IFIH1: variants seen among roughly 807,000 people sequenced by gnomAD.
The protein encoded by IFIH1 is interferon induced with helicase C domain 1, also known as interferon-induced helicase C domain-containing protein 1.
A neutral mutation model predicts 107.4 loss-of-function variants in IFIH1; 125 were observed. That is an observed-to-expected ratio of 1.16 (90% CI 1.01 to 1.35). The LOEUF is 1.35. Ranked by LOEUF, IFIH1 falls within the 40% of genes most tolerant of loss-of-function variation. The pLI, the probability that IFIH1 is intolerant of heterozygous loss-of-function variation, is 0.00. For missense variants in IFIH1, 1,333 were observed against 1,213.7 expected, an observed-to-expected ratio of 1.10 and a Z score of -1.46; for synonymous variants, 458 against 413.2, an observed-to-expected ratio of 1.11 and a Z score of -1.31.
chr2:162,282,711 C>A (rs1207770409), intron 5 of IFIH1, 135 bp from the exon 6 acceptor site: 1 of 608,526 alleles, frequency 1.6e-6, no homozygotes, highest in East Asian at 2.8e-5. Context: ...AACAACGTTC[C>A]CATCACTCCT....
At chr2:162,312,228 G>A (rs1471686040) in intron 1 of IFIH1, among the ~76,000 whole-genome samples, 1 of 152,162 alleles carries the variant, frequency 6.6e-6, no homozygotes. Context: ...TATTATGGAT[G>A]ATTGGGAAGA....
At chr2:162,273,116 G>A (rs761167137) in intron 12 of IFIH1, among the ~76,000 whole-genome samples, 1 of 152,112 alleles carries the variant, frequency 6.6e-6, no homozygotes, top group Non-Finnish European at 1.5e-5. Context: ...ATTCAAGGAT[G>A]CAATTTAAGT....
chr2:162,293,109 T>C (rs1683026191), intron 4 of IFIH1, among the ~76,000 whole-genome samples: 1 of 151,946 alleles, frequency 6.6e-6, no homozygotes, highest in Admixed American at 6.6e-5. Context: ...AAGATACTTA[T>C]ACAAACTTGA....
rs1163178795 is a variant in IFIH1, at chr2:162,267,280, A to G, written c.2998T>C (p.Tyr1000His). ...VFKNNSTKKQ[Y>H]KKWVELPITF... ...ATAGGTAATTCTACCCACTTTTTGTATTGTTTCTTTGTTGAATTATTTTTG... is the reference window on the plus strand; with the variant it reads ...ATAGGTAATTCTACCCACTTTTTGTGTTGTTTCTTTGTTGAATTATTTTTG... Residue 1000 changes from tyrosine to histidine, a missense_variant, in exon 16 of 16, where the codon TAC (tyrosine) becomes CAC (histidine). Tyr to His is a moderately conservative substitution (Grantham distance 83). Coordinates refer to ENST00000649979, the MANE Select transcript of IFIH1 (RefSeq NM_022168.4). The G allele has an allele frequency of 2.5e-6, 4 of 1,611,126 alleles. No homozygotes were observed. Among genetic ancestry groups the G allele is most frequent in the Non-Finnish European group, 3.4e-6 (4 of 1,179,142 alleles).
At chr2:162,311,459 A>G (rs1282134983) in intron 1 of IFIH1, among the ~76,000 whole-genome samples, 1 of 151,972 alleles carries the variant, frequency 6.6e-6, no homozygotes, top group Admixed American at 6.6e-5. Context: ...TTCCTATGTA[A>G]TATTTGCATA....
intron 3 of IFIH1, among the ~76,000 whole-genome samples, chr2:162,296,219 G>C (rs960177963): frequency 6.6e-6 from 1 of 151,994 alleles, no homozygotes; most frequent in African/African-American, 2.4e-5. Flanking sequence ...TTTTGGGAGG[G>C]AGCTATTTAT....
chr2:162,297,922 T>A (rs1683123298), intron 3 of IFIH1, among the ~76,000 whole-genome samples: 1 of 152,158 alleles, frequency 6.6e-6, no homozygotes, highest in South Asian at 2.1e-4. Flanking sequence ...ATCTTGAGTA[T>A]TTTGCTAATA....
At chr2:162,297,497 GAT>G (rs1683113597) in intron 3 of IFIH1, among the ~76,000 whole-genome samples, 2 of 152,068 alleles carry the variant, frequency 1.3e-5, no homozygotes, top group African/African-American at 4.8e-5. Flanking sequence ...TATAGAGAGA[GAT>G]AGTAGTCTCT....
intron 4 of IFIH1, among the ~76,000 whole-genome samples, chr2:162,291,312 C>T (rs1682993934): frequency 6.6e-6 from 1 of 151,744 alleles, no homozygotes; most frequent in Non-Finnish European, 1.5e-5. Flanking sequence ...TGTTTGAAAT[C>T]TACAAAGTAT....
At chr2:162,311,898 C>T (rs1683390501) in intron 1 of IFIH1, among the ~76,000 whole-genome samples, 1 of 151,940 alleles carries the variant, frequency 6.6e-6, no homozygotes, top group Non-Finnish European at 1.5e-5. Flanking sequence ...AACCGTAAAG[C>T]CTTAAAAAAT....
chr2:162,285,922 A>G (rs897925572), intron 5 of IFIH1, among the ~76,000 whole-genome samples: 2 of 152,028 alleles, frequency 1.3e-5, no homozygotes, highest in African/African-American at 4.8e-5. Flanking sequence ...AGATTTTCAA[A>G]TAAAAAGGAA....
chr2:162,293,161 C>A (rs1027460185), intron 4 of IFIH1, among the ~76,000 whole-genome samples: 3 of 151,828 alleles, frequency 2.0e-5, no homozygotes, highest in Non-Finnish European at 4.4e-5. Flanking sequence ...AGTCATACTT[C>A]TCTTATTGAT....
At chr2:162,278,844 CAA>C in intron 8 of IFIH1, among the ~76,000 whole-genome samples, 1 of 151,932 alleles carries the variant, frequency 6.6e-6, no homozygotes, top group African/African-American at 2.4e-5. Context: ...TTTTAGAAGT[CAA>C]GATAGTAGTG....
intron 3 of IFIH1, among the ~76,000 whole-genome samples, chr2:162,297,485 T>A (rs57983132): frequency 1.3e-5 from 2 of 151,946 alleles, no homozygotes; most frequent in African/African-American, 4.8e-5. Context: ...TTTTAAAAAA[T>A]ATATAGAGAG....
chr2:162,308,252 C>T (rs992756256), intron 2 of IFIH1, among the ~76,000 whole-genome samples: 5 of 152,140 alleles, frequency 3.3e-5, no homozygotes, highest in East Asian at 1.9e-4. Flanking sequence ...CAGATGGCCA[C>T]GTTCTCCCTG....
At chr2:162,279,325 T>C (rs1036977937) in intron 8 of IFIH1, among the ~76,000 whole-genome samples, 4 of 152,124 alleles carry the variant, frequency 2.6e-5, no homozygotes, top group Admixed American at 2.6e-4. Flanking sequence ...GCATATTTCA[T>C]ATCATTTGAT....
At chr2:162,294,610 G>A (rs567976264) in intron 3 of IFIH1, among the ~76,000 whole-genome samples, 3 of 151,858 alleles carry the variant, frequency 2.0e-5, no homozygotes, top group Non-Finnish European at 4.4e-5. Context: ...CACAGCCCTT[G>A]ATAATCTTTA....
At chr2:162,297,672 A>G (rs139934936) in intron 3 of IFIH1, among the ~76,000 whole-genome samples, 485 of 152,314 alleles carry the variant, frequency 3.2e-3, no homozygotes, top group African/African-American at 0.011. Context: ...TAGGGAAAAT[A>G]TCAAAGCTAA....
intron 14 of IFIH1, 84 bp downstream of exon 14, chr2:162,268,003 T>G: frequency 1.2e-6 from 1 of 856,692 alleles, no homozygotes; most frequent in South Asian, 2.1e-5. Flanking sequence ...TGAATCTCAT[T>G]TGCACTATTT....
Sources: allele counts gnomAD v4.1 joint callset (sites outside exome capture counted in the v4.1 genomes callset), GRCh38; gene constraint gnomAD v4.1.1; transcripts MANE v1.5; gene names NCBI Gene and HGNC (gene_info 2026-07-23, HGNC 2026-07-21).